Variants in ROBO1 observed in about 807,000 individuals in gnomAD.
The protein encoded by ROBO1 is roundabout homolog 1.
A neutral mutation model predicts 195.9 loss-of-function variants in ROBO1; 149 were observed. That is an observed-to-expected ratio of 0.76 (90% CI 0.67 to 0.87). ROBO1 has a LOEUF of 0.87. ROBO1 is among the 40% of genes least tolerant of loss of function. ROBO1 has a pLI of 0.00. For synonymous variants in ROBO1, 816 were observed against 733.2 expected (o/e 1.11, Z -1.82); for missense variants, 1,933 against 2,068.3 (o/e 0.93, Z 1.27).
chr3:78,771,438 A>T (rs529055364), intron 4 of ROBO1, among the ~76,000 whole-genome samples: 1 of 152,172 alleles, frequency 6.6e-6, no homozygotes, highest in Admixed American at 6.5e-5. Context: ...GAAGAATGAC[A>T]TTGGTAGTTT....
At chr3:78,727,418 A>C (rs565385884) in intron 5 of ROBO1, among the ~76,000 whole-genome samples, 7 of 152,168 alleles carry the variant, frequency 4.6e-5, no homozygotes, top group African/African-American at 1.7e-4. Context: ...CAAGGTCAGG[A>C]GATTGAGACC....
intron 2 of ROBO1, among the ~76,000 whole-genome samples, chr3:79,392,783 C>T (rs1403694473): frequency 6.6e-6 from 1 of 152,074 alleles, no homozygotes; most frequent in East Asian, 1.9e-4. Flanking sequence ...AATGAACATC[C>T]TAAGAAAATA....
chr3:79,625,423 G>GAAAAAAAAAAAA, intron 1 of ROBO1, among the ~76,000 whole-genome samples: 36 of 13,874 alleles, frequency 2.6e-3, no homozygotes, highest in Middle Eastern at 0.056. Context: ...TGTTTTTTTT[G>GAAAAAAAAAAAA]AAAAAAAAAA....
At chr3:79,288,866 A>C (rs1296471668) in intron 2 of ROBO1, among the ~76,000 whole-genome samples, 2 of 151,892 alleles carry the variant, frequency 1.3e-5, no homozygotes, top group Non-Finnish European at 1.5e-5. Context: ...AATGTGTGTT[A>C]TTTTTCTCAT....
intron 1 of ROBO1, among the ~76,000 whole-genome samples, chr3:79,618,575 A>T (rs554321263): frequency 1.3e-5 from 2 of 152,202 alleles, no homozygotes; most frequent in Non-Finnish European, 2.9e-5. Flanking sequence ...GTAATTTTCC[A>T]CTACTTACCC....
intron 1 of ROBO1, among the ~76,000 whole-genome samples, chr3:79,653,535 T>C (rs1475068595): frequency 2.0e-5 from 3 of 152,030 alleles, no homozygotes; most frequent in Admixed American, 1.3e-4. Flanking sequence ...CAAAGAACCA[T>C]ATGAAAGAAA....
At chr3:79,113,537 G>A (rs1488871321) in intron 3 of ROBO1, among the ~76,000 whole-genome samples, 1 of 152,078 alleles carries the variant, frequency 6.6e-6, no homozygotes, top group Non-Finnish European at 1.5e-5. Flanking sequence ...GGAGGCCGAC[G>A]TGGGTGGATC....
intron 2 of ROBO1, among the ~76,000 whole-genome samples, chr3:79,246,760 T>C (rs1048093697): frequency 1.3e-5 from 2 of 152,052 alleles, no homozygotes; most frequent in African/African-American, 4.8e-5. Context: ...GATATATAAC[T>C]AGAACCCATA....
At chr3:79,107,065 TG>T (rs1046051691) in intron 3 of ROBO1, among the ~76,000 whole-genome samples, 41 of 151,416 alleles carry the variant, frequency 2.7e-4, no homozygotes, top group Admixed American at 6.6e-4. Flanking sequence ...AAGATGCCTA[TG>T]AAAGTGTTGT....
At chr3:78,696,141 A>T (rs2081284363) in intron 8 of ROBO1, among the ~76,000 whole-genome samples, 1 of 151,664 alleles carries the variant, frequency 6.6e-6, no homozygotes, top group Admixed American at 6.6e-5. Flanking sequence ...AAAAAAAAAA[A>T]AAAGCAGAGT....
intron 3 of ROBO1, among the ~76,000 whole-genome samples, chr3:79,003,227 G>A (rs1344151414): frequency 5.9e-5 from 9 of 152,088 alleles, no homozygotes. Flanking sequence ...TCTCCAAACT[G>A]TCAAATTAAC....
chr3:79,438,242 C>T (rs763915620), intron 2 of ROBO1, among the ~76,000 whole-genome samples: 11 of 151,892 alleles, frequency 7.2e-5, no homozygotes, highest in Non-Finnish European at 4.4e-5. Context: ...AGAAGCATAA[C>T]GAGTCAAAGC....
Position 79,435,136 on chromosome 3 carries a change from A to G in ROBO1, c.88+154688T>C, listed in dbSNP as rs533604481. Among the ~76,000 whole-genome samples, 46 of 152,320 alleles carry G rather than the reference A, an allele frequency of 3.0e-4. No homozygotes were observed. In the East Asian group the frequency reaches 6.8e-3, roughly 22 times the overall value. ...TAAATGACCAATTAATGGGTGCAGC[A>G]CACCAACATGACACATGTATACATA... On this transcript the variant is annotated intron_variant, in intron 2 of 30. Coordinates refer to ENST00000464233, the MANE Select transcript of ROBO1 (RefSeq NM_002941.4).
chr3:79,633,980 T>C (rs1314967555), intron 1 of ROBO1, among the ~76,000 whole-genome samples: 5 of 152,100 alleles, frequency 3.3e-5, no homozygotes, highest in Non-Finnish European at 7.4e-5. Flanking sequence ...AGGAGCCAAG[T>C]ATGACATTAG....
At chr3:79,018,454 G>T (rs569511834) in intron 3 of ROBO1, 2 of 1,613,672 alleles carry the variant, frequency 1.2e-6, no homozygotes, top group Non-Finnish European at 1.7e-6. Context: ...AGCGGGCTCC[G>T]CAATCATTGT....
intron 3 of ROBO1, among the ~76,000 whole-genome samples, chr3:79,021,864 G>A (rs2078110342): frequency 6.6e-6 from 1 of 152,028 alleles, no homozygotes; most frequent in South Asian, 2.1e-4. Flanking sequence ...GTTTCACCGT[G>A]TTAGCCAGGT....
At chr3:79,391,911 A>G (rs1205688673) in intron 2 of ROBO1, among the ~76,000 whole-genome samples, 1 of 152,204 alleles carries the variant, frequency 6.6e-6, no homozygotes, top group Admixed American at 6.5e-5. Context: ...CAAATCTACA[A>G]GTATCACTTC....
chr3:78,617,523 T>G (rs1359758799), intron 27 of ROBO1, 112 bp downstream of exon 27: 6 of 921,406 alleles, frequency 6.5e-6, no homozygotes, highest in Admixed American at 3.6e-5. Flanking sequence ...AAAAAAAAAC[T>G]GTAAGAATAG....
chr3:78,865,502 C>T (rs1178156101), intron 4 of ROBO1, among the ~76,000 whole-genome samples: 6 of 141,972 alleles, frequency 4.2e-5, no homozygotes, highest in Admixed American at 1.4e-4. Flanking sequence ...GATGGAGTCT[C>T]GTTGTGTCGC....
Sources: gnomAD v4.1 joint callset for allele counts (sites outside exome capture counted in the v4.1 genomes callset) on GRCh38, gnomAD v4.1.1 for gene constraint, MANE v1.5 for transcripts, NCBI Gene and HGNC (gene_info 2026-07-23, HGNC 2026-07-21) for gene names.